The following TMEM63B variants were observed in gnomAD, a reference collection of about 807,000 sequenced individuals.
TMEM63B encodes the protein mechanosensitive cation channel TMEM63B.
TMEM63B carries 23 observed loss-of-function variants against 102.6 expected under a neutral mutation model. The ratio of observed to expected loss-of-function variants is 0.22; its 90% confidence interval spans 0.16 to 0.32. TMEM63B has a LOEUF of 0.32. Among genes scored for constraint, TMEM63B ranks in the 10% least tolerant of loss-of-function variants. TMEM63B has a pLI of 1.00. For missense variants in TMEM63B, 628 were observed against 1,095.9 expected (o/e 0.57, Z 6.03); for synonymous variants, 444 against 437.0 (o/e 1.02, Z -0.20).
intron 20 of TMEM63B, among the ~76,000 whole-genome samples, chr6:44,153,426 C>A (rs1767224514): frequency 6.6e-6 from 1 of 152,142 alleles, no homozygotes. Flanking sequence ...TAAGAAGATG[C>A]TTGTTGATTC....
At chr6:44,147,873 C>T (rs1765748344) in intron 12 of TMEM63B, among the ~76,000 whole-genome samples, 1 of 152,168 alleles carries the variant, frequency 6.6e-6, no homozygotes, top group Non-Finnish European at 1.5e-5. Context: ...CCTGTAATCC[C>T]AGCACTTTGT....
In TMEM63B at chr6:44,153,919, C is replaced by A. The variant is rs889722652; in HGVS notation, c.2110+76C>A. 8.2e-5 allele frequency: 130 copies of A among 1,577,632 alleles called. 1 individual carries two copies. Among genetic ancestry groups the A allele is most frequent in the Admixed American group, 2.4e-4 (14 of 57,760 alleles). ...AGCCAGAGCAGGCCACAGGAGAAGC[C>A]GCATGGCTGGGGGTGGCAGGCAAGG... On this transcript the variant is annotated intron_variant, in intron 21 of 23. Transcript: ENST00000323267.
chr6:44,154,405 A>T lies in TMEM63B; in HGVS notation c.2267A>T (p.Asn756Ile). ...ACAGATACTGTGGACCCCAGAAGCA[A>T]TGGACGGCCCCCCACTGCTGCTGCT... is the stretch of plus-strand genomic sequence containing the variant. Reference protein sequence around the residue: ...TETDTVDPRSNGRPPTAAAVP... With the variant: ...TETDTVDPRSIGRPPTAAAVP... The change falls in exon 23 of 24, where the codon AAT becomes ATT. Residue 756 changes from asparagine to isoleucine, a missense_variant. By Grantham distance (149) the Asn-to-Ile change is moderately radical. Coordinates refer to ENST00000323267, the MANE Select transcript of TMEM63B (RefSeq NM_018426.3). 1 of 1,614,042 alleles carries T rather than the reference A, an allele frequency of 6.2e-7. No individual in the cohort carries two copies. Among genetic ancestry groups the T allele is most frequent in the Non-Finnish European group, 8.5e-7 (1 of 1,179,960 alleles).
Position 44,138,421 on chromosome 6 carries a change from GGA to G in TMEM63B, c.370-53_370-52del, listed in dbSNP as rs1055922894. On this transcript the variant is annotated intron_variant, in intron 5 of 23. Transcript: ENST00000323267. ...ATGAGAATGGGTGGGACTTGAGGGAGGAGAGAGGTTCGGGTTGGTGGGCTGGG... is the reference window on the plus strand; with the variant it reads ...ATGAGAATGGGTGGGACTTGAGGGAGGAGAGGTTCGGGTTGGTGGGCTGGG... 8 of 1,608,132 alleles carry G rather than the reference GGA, an allele frequency of 5.0e-6. No individual in the cohort carries two copies. In the East Asian group the frequency reaches 8.9e-5, roughly 18 times the overall value.
At chr6:44,132,554 A>G (rs531534164) in intron 1 of TMEM63B, among the ~76,000 whole-genome samples, 1 of 152,230 alleles carries the variant, frequency 6.6e-6, no homozygotes, top group East Asian at 1.9e-4. Context: ...GACTAGTTAG[A>G]GTCCCCCCAA....
chr6:44,135,474 C>G, intron 4 of TMEM63B, 108 bp downstream of exon 4: 1 of 1,371,906 alleles, frequency 7.3e-7, no homozygotes, highest in Non-Finnish European at 9.9e-7. Context: ...TTGCAGTTTT[C>G]TCCTCTGCAG....
intron 10 of TMEM63B, among the ~76,000 whole-genome samples, chr6:44,144,757 T>A (rs1299415330): frequency 1.3e-5 from 2 of 151,770 alleles, no homozygotes; most frequent in African/African-American, 4.8e-5. Context: ...CCACCACACC[T>A]GGCTAATTTT....
chr6:44,128,191 G>A (rs1356050968), intron 1 of TMEM63B, among the ~76,000 whole-genome samples: 1 of 152,174 alleles, frequency 6.6e-6, no homozygotes, highest in East Asian at 1.9e-4. Flanking sequence ...GTAAGGGCTC[G>A]GGCTCGGGCA....
intron 10 of TMEM63B, among the ~76,000 whole-genome samples, chr6:44,145,136 G>A (rs570046926): frequency 1.3e-5 from 2 of 151,610 alleles, no homozygotes; most frequent in South Asian, 2.1e-4. Flanking sequence ...TTAGCCAGGC[G>A]TGGTGGCATG....
rs547976504 is a variant in TMEM63B at position 44,153,910 on chromosome 6, A to T, written c.2110+67A>T. 2.0e-3 allele frequency: 3,086 copies of T among 1,582,190 alleles called. 7 individuals are homozygous for T. The highest frequency in any genetic ancestry group is 2.4e-3 in the Non-Finnish European group (2,738 of 1,162,448). On this transcript the variant is annotated intron_variant, in intron 21 of 23. Coordinates refer to ENST00000323267, the MANE Select transcript of TMEM63B (RefSeq NM_018426.3). ...GTGGATTCCAGCCAGAGCAGGCCAC[A>T]GGAGAAGCCGCATGGCTGGGGGTGG...
intron 22 of TMEM63B, 44 bp from the exon 23 acceptor site, chr6:44,154,321 T>C: frequency 6.2e-7 from 1 of 1,607,688 alleles, no homozygotes. Context: ...TGATCAGGGC[T>C]GAGGACATGC....
chr6:44,151,508 T>A (rs933154859), intron 18 of TMEM63B, among the ~76,000 whole-genome samples: 1 of 152,070 alleles, frequency 6.6e-6, no homozygotes, highest in African/African-American at 2.4e-5. Flanking sequence ...ATCTTCTGGG[T>A]GTTCCTGGGG....
At chr6:44,132,657 T>TGTTCACACCCCCAC (rs1762183949) in intron 1 of TMEM63B, among the ~76,000 whole-genome samples, 3 of 152,124 alleles carry the variant, frequency 2.0e-5, no homozygotes, top group Admixed American at 2.0e-4. Context: ...GACACACCCA[T>TGTTCACACCCCCAC]GTTCACACCC....
chr6:44,152,590 C>A lies in TMEM63B; in HGVS notation c.1837-3C>A, dbSNP rs1325467233. ...GCCATCCTCCTGCCCGTCTCCCCCCCAGCATCAGGCCTACGAGTTCCAGTT... is the reference window on the plus strand; with the variant it reads ...GCCATCCTCCTGCCCGTCTCCCCCCAAGCATCAGGCCTACGAGTTCCAGTT... On this transcript the variant is annotated splice_polypyrimidine_tract_variant and splice_region_variant and intron_variant, in intron 19 of 23. Transcript: ENST00000323267. This position sits in a 1 kb window ranked among gnomAD's most constrained non-coding sequence, Gnocchi z 6.4. 1.2e-6 allele frequency: 2 copies of A among 1,607,468 alleles called. No homozygotes were observed. The highest frequency in any genetic ancestry group is 1.3e-5 in the African/African-American group (1 of 74,904).
Position 44,146,936 on chromosome 6 carries a change from C to A in TMEM63B, c.863+9C>A. Reference sequence around the variant, plus strand: ...TTCCTCGATGCAGAGAGGTAAGGGACTGGGGGCAGAGGAGGGTGACACCAA... The same window carrying A: ...TTCCTCGATGCAGAGAGGTAAGGGAATGGGGGCAGAGGAGGGTGACACCAA... On this transcript the variant is annotated intron_variant, in intron 11 of 23. Coordinates refer to ENST00000323267, the MANE Select transcript of TMEM63B (RefSeq NM_018426.3). The A allele has an allele frequency of 6.2e-7, 1 of 1,613,870 alleles. No individual in the cohort carries two copies. The highest frequency in any genetic ancestry group is 1.1e-5 in the South Asian group (1 of 91,074).
intron 1 of TMEM63B, among the ~76,000 whole-genome samples, chr6:44,132,799 G>A (rs143963738): frequency 0.013 from 1,997 of 152,248 alleles, 18 homozygotes; most frequent in Middle Eastern, 0.027. Flanking sequence ...GCACCCACAG[G>A]TTCTCTGGCC....
At chr6:44,129,663 C>G (rs995661883) in intron 1 of TMEM63B, among the ~76,000 whole-genome samples, 2 of 152,282 alleles carry the variant, frequency 1.3e-5, no homozygotes, top group Admixed American at 1.3e-4. Flanking sequence ...AAATAAGAAG[C>G]CCAACCTGAC....
Position 44,154,697 on chromosome 6 carries a change from C to T in TMEM63B, c.2313C>T (p.Tyr771=), listed in dbSNP as rs747813029. The change falls in exon 24 of 24, where the codon TAC becomes TAT. Residue 771 remains tyrosine (Y), a synonymous_variant. Transcript: ENST00000323267. ...CATTTCCTCTCCTCCTTCAGAAATA[C>T]ATCGCTCAGGTGCTGCAGGACTCAG... ...TAAAVPKSAK[Y]IAQVLQDSEV... is the part of the protein sequence containing the mutation. The T allele has an allele frequency of 1.9e-6, 3 of 1,546,118 alleles. No homozygotes were observed. Among genetic ancestry groups the T allele is most frequent in the Non-Finnish European group, 2.6e-6 (3 of 1,148,700 alleles).
At chr6:44,154,037 G>A (rs780212201) in intron 21 of TMEM63B, 36 bp from the exon 22 acceptor site, 10 of 1,600,790 alleles carry the variant, frequency 6.2e-6, no homozygotes, top group East Asian at 2.2e-5. Flanking sequence ...AGGCCCACAG[G>A]AGATAGCAAC....
Sources: gnomAD v4.1 joint callset for allele counts (sites outside exome capture counted in the v4.1 genomes callset) on GRCh38, gnomAD v4.1.1 for gene constraint, Gnocchi (gnomAD v3.1) non-coding constraint, MANE v1.5 for transcripts, NCBI Gene and HGNC (gene_info 2026-07-23, HGNC 2026-07-21) for gene names.